Variants in AK8 observed in about 807,000 individuals in gnomAD.
AK8 encodes the protein adenylate kinase 8, also known as ATP-AMP transphosphorylase 8.
A neutral mutation model predicts 54.6 loss-of-function variants in AK8; 44 were observed. The ratio of observed to expected loss-of-function variants is 0.81; its 90% CI spans 0.63 to 1.04. The LOEUF (loss-of-function observed/expected upper bound fraction) is 1.04, where lower values mean the gene tolerates loss of function less well. Among genes scored for constraint, AK8 ranks in the 50% least tolerant of loss-of-function variants. The pLI, the probability that AK8 is intolerant of heterozygous loss-of-function variation, is 0.00. For missense variants in AK8, 555 were observed against 613.6 expected (o/e 0.90, Z 1.01); for synonymous variants, 239 against 245.6 (o/e 0.97, Z 0.25).
Position 132,746,173 on chromosome 9 carries a change from C to A in AK8, c.1122-18639G>T, listed in dbSNP as rs549926573. On this transcript the variant is annotated intron_variant, in intron 11 of 12. Transcript: ENST00000298545. Reference sequence around the variant, plus strand: ...CTCTGAGATGGTTCTATTCTCTCCTCTCGCTTCCAAGCCAGTCTGGCATTC... The same window carrying A: ...CTCTGAGATGGTTCTATTCTCTCCTATCGCTTCCAAGCCAGTCTGGCATTC... 7.9e-4 allele frequency among the ~76,000 whole-genome samples: 49 copies of A among 61,894 alleles called. No homozygotes were observed. The South Asian group carries it at 0.011, about 14-fold the overall frequency. The allele number at this position is 61,894 out of a possible 152,430, so 40.6% of individuals were successfully genotyped here.
chr9:132,817,447 T>G (rs1218579658), intron 9 of AK8, among the ~76,000 whole-genome samples: 1 of 152,164 alleles, frequency 6.6e-6, no homozygotes. Flanking sequence ...ACCAGGACTT[T>G]AAAACAGCTA....
chr9:132,777,690 C>T (rs62576256), intron 11 of AK8, among the ~76,000 whole-genome samples: 2,169 of 152,180 alleles, frequency 0.014, 22 homozygotes, highest in Non-Finnish European at 0.022. Context: ...GGTAAGTAGC[C>T]GCCTGTAGAC....
At chr9:132,771,324 G>A (rs1356888170) in intron 11 of AK8, among the ~76,000 whole-genome samples, 1 of 152,210 alleles carries the variant, frequency 6.6e-6, no homozygotes, top group African/African-American at 2.4e-5. Flanking sequence ...GGCAGATGGT[G>A]GTCAGGCTTA....
intron 10 of AK8, among the ~76,000 whole-genome samples, chr9:132,812,244 T>G (rs1300296200): frequency 6.8e-6 from 1 of 146,030 alleles, no homozygotes; most frequent in African/African-American, 2.6e-5. Flanking sequence ...TTTTTTTTTT[T>G]TTTTTTTGAG....
At chr9:132,827,253 C>T (rs1841912741) in intron 7 of AK8, 199 bp from the exon 8 acceptor site, 1 of 629,306 alleles carries the variant, frequency 1.6e-6, no homozygotes, top group Non-Finnish European at 2.8e-6. Flanking sequence ...ATTCTTGTTA[C>T]AATACAAGAA....
At chr9:132,867,117 G>A (rs1843631269) in intron 2 of AK8, among the ~76,000 whole-genome samples, 164 bp from the exon 3 acceptor site, 2 of 152,002 alleles carry the variant, frequency 1.3e-5, no homozygotes, top group South Asian at 2.1e-4. Flanking sequence ...GCCATGGAAC[G>A]CATTCTCTGT....
At chr9:132,740,468 A>G (rs2130972907) in intron 11 of AK8, among the ~76,000 whole-genome samples, 1 of 152,234 alleles carries the variant, frequency 6.6e-6, no homozygotes, top group South Asian at 2.1e-4. Flanking sequence ...CACGGAGCTC[A>G]TCTTGCACTT....
intron 5 of AK8, among the ~76,000 whole-genome samples, chr9:132,835,499 A>G (rs1051499665): frequency 1.3e-5 from 2 of 152,174 alleles, no homozygotes; most frequent in African/African-American, 4.8e-5. Flanking sequence ...CCACCTGTCT[A>G]GAAACAAGAT....
intron 5 of AK8, among the ~76,000 whole-genome samples, chr9:132,852,769 C>CAAAAAAAAAAAAAAAAA (rs35786801): frequency 1.2e-4 from 2 of 16,394 alleles, no homozygotes; most frequent in African/African-American, 3.9e-4. Flanking sequence ...GATTAGGTCT[C>CAAAAAAAAAAAAAAAAA]AAAAAAAAAA....
intron 10 of AK8, among the ~76,000 whole-genome samples, chr9:132,814,391 G>C (rs1177546088): frequency 2.7e-5 from 4 of 149,996 alleles, no homozygotes; most frequent in East Asian, 2.0e-4. Context: ...TTGAGAAATA[G>C]GAACATCCTA....
intron 11 of AK8, among the ~76,000 whole-genome samples, chr9:132,733,693 G>A (rs1836970088): frequency 6.6e-6 from 1 of 152,252 alleles, no homozygotes; most frequent in Admixed American, 6.5e-5. Flanking sequence ...GGGCAGCCCA[G>A]GCCACGCTGC....
intron 11 of AK8, among the ~76,000 whole-genome samples, chr9:132,730,595 T>A (rs923966902): frequency 6.6e-6 from 1 of 152,138 alleles, no homozygotes; most frequent in Non-Finnish European, 1.5e-5. Flanking sequence ...TGGATGCCTA[T>A]GCCCCTTGCC....
chr9:132,866,604 G>T lies in AK8; in HGVS notation c.219+300C>A, dbSNP rs1843607304. Among the ~76,000 whole-genome samples, 4 of 152,180 alleles carry T rather than the reference G, an allele frequency of 2.6e-5. No individual in the cohort carries two copies. The South Asian group carries it at 6.2e-4, about 24-fold the overall frequency. ...GTGTACTTCTGGAAACGTACCCTAA[G>T]GATATAGCGAAGGGTGAGCAAGGAG... On this transcript the variant is annotated intron_variant, in intron 3 of 12. Coordinates refer to ENST00000298545, the MANE Select transcript of AK8 (RefSeq NM_152572.3).
intron 11 of AK8, among the ~76,000 whole-genome samples, chr9:132,732,166 C>G (rs504790): frequency 6.6e-6 from 1 of 151,828 alleles, no homozygotes; most frequent in Non-Finnish European, 1.5e-5. Flanking sequence ...AAAAAATCCC[C>G]TTTTCTATAT....
intron 10 of AK8, among the ~76,000 whole-genome samples, chr9:132,794,925 A>C (rs888942460): frequency 4.6e-5 from 7 of 152,082 alleles, no homozygotes; most frequent in Admixed American, 2.6e-4. Context: ...TGACCGGCTC[A>C]CACCGCATTT....
At chr9:132,812,514 C>CGGGTG (rs1564415013) in intron 10 of AK8, among the ~76,000 whole-genome samples, 173 of 6,968 alleles carry the variant, frequency 0.025, 2 homozygotes, top group East Asian at 0.042. Flanking sequence ...GCTGGGATGA[C>CGGGTG]AGGGGTGAGC....
chr9:132,736,171 G>A (rs1231964611), intron 11 of AK8, among the ~76,000 whole-genome samples: 2 of 148,382 alleles, frequency 1.3e-5, no homozygotes, highest in African/African-American at 4.9e-5. Flanking sequence ...TACATACGAT[G>A]AAATACTATT....
intron 11 of AK8, among the ~76,000 whole-genome samples, chr9:132,729,386 G>A (rs1416659546): frequency 6.6e-6 from 1 of 152,186 alleles, no homozygotes; most frequent in Non-Finnish European, 1.5e-5. Flanking sequence ...AGCCCTGCCT[G>A]GGACAGTGTG....
At chr9:132,840,327 T>C (rs1842486658) in intron 5 of AK8, among the ~76,000 whole-genome samples, 1 of 152,078 alleles carries the variant, frequency 6.6e-6, no homozygotes. Flanking sequence ...GCTTGGCTTC[T>C]TGCATTACGC....
Sources: gnomAD v4.1 joint callset for allele counts (sites outside exome capture counted in the v4.1 genomes callset) on GRCh38, gnomAD v4.1.1 for gene constraint, MANE v1.5 for transcripts, NCBI Gene and HGNC (gene_info 2026-07-23, HGNC 2026-07-21) for gene names.